PCDH15: variants seen among roughly 807,000 people sequenced by gnomAD.
PCDH15 encodes the protein protocadherin-15.
PCDH15 carries 129 observed loss-of-function variants against 178.5 expected under a neutral mutation model. That is an observed-to-expected ratio of 0.72 (90% CI 0.63 to 0.84). The LOEUF (loss-of-function observed/expected upper bound fraction) is 0.84, where lower values mean the gene tolerates loss of function less well. Ranked by LOEUF, PCDH15 falls within the 40% of genes least tolerant of loss-of-function variation. The probability of loss-of-function intolerance (pLI) is 0.00; values close to 1 mark genes in which losing one functional copy is unlikely to be tolerated. For missense variants in PCDH15, 2,230 were observed against 2,099.9 expected, an observed-to-expected ratio of 1.06 and a Z score of -1.21; for synonymous variants, 800 against 732.0, an observed-to-expected ratio of 1.09 and a Z score of -1.50.
chr10:55,290,269 C>T (rs1321747770), intron 1 of PCDH15, among the ~76,000 whole-genome samples: 1 of 151,604 alleles, frequency 6.6e-6, no homozygotes, highest in Non-Finnish European at 1.5e-5. Context: ...TGTGTATATT[C>T]CTATGTATGT....
chr10:55,315,079 T>C (rs1177326242), intron 1 of PCDH15, among the ~76,000 whole-genome samples: 1 of 152,114 alleles, frequency 6.6e-6, no homozygotes, highest in Non-Finnish European at 1.5e-5. Context: ...GAAATCTATA[T>C]AGTTTTAGAC....
At chr10:54,208,008 T>A (rs1464389436) in intron 10 of PCDH15, among the ~76,000 whole-genome samples, 3 of 152,016 alleles carry the variant, frequency 2.0e-5, no homozygotes, top group Non-Finnish European at 4.4e-5. Flanking sequence ...GTTGATAACA[T>A]CCCCTTTTGT....
rs188566707 is a variant in PCDH15, at chr10:55,547,676, C to A, written c.-156+79949G>T. Among the ~76,000 whole-genome samples, 160 of 152,152 alleles carry A rather than the reference C, an allele frequency of 1.1e-3. 1 individual carries two copies. The highest frequency in any genetic ancestry group is 3.8e-3 in the African/African-American group (158 of 41,532). On this transcript the variant is annotated intron_variant, in intron 2 of 5. Coordinates refer to the PCDH15 transcript ENST00000613346. ...TAATTTTCCTCACTTTAAAGATGGA[C>A]TGGCCTTACCAATTTCTTTGACCAC...
chr10:54,105,420 G>A (rs1354735199), intron 15 of PCDH15, among the ~76,000 whole-genome samples: 1 of 151,220 alleles, frequency 6.6e-6, no homozygotes, highest in Non-Finnish European at 1.5e-5. Context: ...ACAATCATGA[G>A]GTTTCACAAT....
chr10:54,811,200 T>G (rs1952857488), intron 3 of PCDH15, among the ~76,000 whole-genome samples: 1 of 152,032 alleles, frequency 6.6e-6, no homozygotes, highest in Non-Finnish European at 1.5e-5. Flanking sequence ...TAAACAAATG[T>G]GAACATTTTC....
intron 32 of PCDH15, chr10:53,821,885 T>C: frequency 1.9e-6 from 3 of 1,613,530 alleles, no homozygotes; most frequent in Non-Finnish European, 2.5e-6. Context: ...GACTGTGAGA[T>C]TGTTTTTCAG....
intron 2 of PCDH15, among the ~76,000 whole-genome samples, chr10:55,419,344 C>T (rs1838562519): frequency 6.6e-6 from 1 of 151,786 alleles, no homozygotes; most frequent in Middle Eastern, 3.4e-3. Flanking sequence ...AAGCAGGTGT[C>T]CATAGATCTT....
rs758070197 is a variant in PCDH15, at chr10:54,378,882, A to G, written c.218T>C (p.Ile73Thr). ...CACATTATCCTTTAAAGAAAGTTCT[A>G]TGGTGGGGTCTGGTCCTCCAGCAGT... ...KGTAGGPDPT[I>T]ELSLKDNVDY... is the part of the protein sequence containing the mutation. Residue 73 changes from isoleucine to threonine, a missense_variant, in exon 4 of 38, where the codon ATA becomes ACA. By Grantham distance (89) the Ile-to-Thr change is moderately conservative. Transcript: ENST00000644397. 19 of 1,613,726 alleles carry G rather than the reference A, an allele frequency of 1.2e-5. No homozygotes were observed. Among genetic ancestry groups the G allele is most frequent in the African/African-American group, 2.7e-5 (2 of 74,894 alleles).
At chr10:54,715,878 T>G (rs546028829) in intron 1 of PCDH15, among the ~76,000 whole-genome samples, 1 of 152,240 alleles carries the variant, frequency 6.6e-6, no homozygotes, top group Non-Finnish European at 1.5e-5. Context: ...TTCTCTTGGC[T>G]TAGGAATCTG....
At chr10:55,499,914 A>G (rs1053027855) in intron 2 of PCDH15, among the ~76,000 whole-genome samples, 4 of 151,704 alleles carry the variant, frequency 2.6e-5, no homozygotes, top group African/African-American at 9.7e-5. Flanking sequence ...TAATGCATCG[A>G]AATAATTAGG....
intron 2 of PCDH15, among the ~76,000 whole-genome samples, chr10:55,486,427 C>T (rs909427239): frequency 6.6e-6 from 1 of 151,220 alleles, no homozygotes; most frequent in Admixed American, 6.6e-5. Context: ...TGCTTCAAAC[C>T]ATAGCCATAG....
chr10:55,433,930 G>A (rs1376225618), intron 2 of PCDH15, among the ~76,000 whole-genome samples: 1 of 151,922 alleles, frequency 6.6e-6, no homozygotes, highest in African/African-American at 2.4e-5. Flanking sequence ...TGTATATGAA[G>A]TCCTCATATA....
chr10:54,696,607 A>G (rs1477969327), intron 1 of PCDH15, among the ~76,000 whole-genome samples: 5 of 152,050 alleles, frequency 3.3e-5, no homozygotes, highest in Non-Finnish European at 7.4e-5. Context: ...GAAAGAAGAA[A>G]AGTAGCACTG....
At chr10:55,349,010 A>C (rs1461201548) in intron 2 of PCDH15, among the ~76,000 whole-genome samples, 2 of 152,156 alleles carry the variant, frequency 1.3e-5, no homozygotes, top group Non-Finnish European at 2.9e-5. Flanking sequence ...TACCAGAGAG[A>C]TGACTGGGCA....
intron 2 of PCDH15, among the ~76,000 whole-genome samples, chr10:54,580,868 A>C (rs2090973943): frequency 6.6e-6 from 1 of 152,072 alleles, no homozygotes; most frequent in African/African-American, 2.4e-5. Flanking sequence ...TCATCTCCAT[A>C]GATGCAGAGA....
At chr10:53,962,522 A>G (rs377194417) in intron 21 of PCDH15, among the ~76,000 whole-genome samples, 18 of 152,338 alleles carry the variant, frequency 1.2e-4, no homozygotes, top group African/African-American at 3.6e-4. Context: ...AGATGACATT[A>G]ATAATGAAGA....
intron 2 of PCDH15, among the ~76,000 whole-genome samples, chr10:55,161,511 T>C (rs1271180845): frequency 3.9e-5 from 6 of 151,954 alleles, no homozygotes; most frequent in Non-Finnish European, 7.4e-5. Context: ...AAAGGAAGAG[T>C]TGAGTAGATG....
Position 54,369,347 on chromosome 10 carries a change from G to T in PCDH15, c.319-72C>A, listed in dbSNP as rs183863679. ...GCTTCTCATCACTGTCAAAGCACTCGTTCATTCAGTACATTTTTCTATTCT... is the reference window on the plus strand; with the variant it reads ...GCTTCTCATCACTGTCAAAGCACTCTTTCATTCAGTACATTTTTCTATTCT... On this transcript the variant is annotated intron_variant, in intron 4 of 37. Coordinates refer to ENST00000644397, the MANE Select transcript of PCDH15 (RefSeq NM_001384140.1). 111 of 1,308,520 alleles carry T rather than the reference G, an allele frequency of 8.5e-5. No individual in the cohort carries two copies. The African/African-American group carries it at 1.4e-3, about 17-fold the overall frequency. 81.1% of individuals were successfully genotyped at this position (1,308,520 alleles called of 1,614,324 possible).
rs1349214402 is a variant in PCDH15 at position 54,151,425 on chromosome 10, C to T, written c.1784+1675G>A. ...GATTGGTGGCCTGAACCTGTAGTCC[C>T]CACTACTAGTGAGGCTGAGGTGGGC... On this transcript the variant is annotated intron_variant, in intron 14 of 37. Transcript: ENST00000644397. Among the ~76,000 whole-genome samples the T allele has an allele frequency of 2.6e-5, 4 of 151,964 alleles. No individual in the cohort carries two copies. The East Asian group carries it at 7.7e-4, about 29-fold the overall frequency.
Sources: allele counts gnomAD v4.1 joint callset (sites outside exome capture counted in the v4.1 genomes callset), GRCh38; gene constraint gnomAD v4.1.1; transcripts MANE v1.5; gene names NCBI Gene and HGNC (gene_info 2026-07-23, HGNC 2026-07-21).